ANK2: variants seen among roughly 807,000 people sequenced by gnomAD.
ANK2 encodes the protein ankyrin 2, also known as ankyrin-2.
ANK2 carries 83 observed loss-of-function variants against 360.5 expected under a neutral mutation model. The ratio of observed to expected loss-of-function variants is 0.23; its 90% confidence interval spans 0.19 to 0.28. The LOEUF (loss-of-function observed/expected upper bound fraction) is 0.28, where lower values mean the gene tolerates loss of function less well. ANK2 is among the 10% of genes least tolerant of loss of function. The pLI, the probability that ANK2 is intolerant of heterozygous loss-of-function variation, is 1.00. For synonymous variants in ANK2, 1,740 were observed against 1,759.5 expected (o/e 0.99, Z 0.28); for missense variants, 4,201 against 4,795.7 (o/e 0.88, Z 3.66).
chr4:113,281,613 G>A (rs1382584405), intron 17 of ANK2, among the ~76,000 whole-genome samples: 2 of 152,038 alleles, frequency 1.3e-5, no homozygotes, highest in African/African-American at 4.8e-5. Context: ...TTTCCCTTCA[G>A]CATGTCACTG....
chr4:113,094,947 C>G (rs2046444), intron 1 of ANK2, among the ~76,000 whole-genome samples: 101,180 of 152,118 alleles, frequency 0.67, 33,772 homozygotes, highest in South Asian at 0.73. Flanking sequence ...TGTAGCATGA[C>G]TGGCCTCCAG....
At chr4:112,756,590 TA>T in the ANK2 span, among the ~76,000 whole-genome samples, 1 of 152,190 alleles carries the variant, frequency 6.6e-6, no homozygotes. Flanking sequence ...GTTATGTACA[TA>T]GGGAGTTATC....
intron 2 of ANK2, among the ~76,000 whole-genome samples, chr4:112,984,222 G>T (rs1436406736): frequency 6.6e-6 from 1 of 152,162 alleles, no homozygotes; most frequent in Non-Finnish European, 1.5e-5. Context: ...ATGGGGAGAG[G>T]ATCAGGAGGT....
chr4:113,211,447 G>C (rs1042485538), intron 4 of ANK2, among the ~76,000 whole-genome samples: 5 of 152,130 alleles, frequency 3.3e-5, no homozygotes, highest in Admixed American at 1.3e-4. Flanking sequence ...CCTATTTCTT[G>C]AAGTTTTTTT....
chr4:113,027,035 C>T (rs1413876196), intron 2 of ANK2, among the ~76,000 whole-genome samples: 2 of 152,080 alleles, frequency 1.3e-5, no homozygotes, highest in Non-Finnish European at 2.9e-5. Flanking sequence ...AGGAATCCAT[C>T]TGTTTCAGTG....
chr4:113,176,177 G>C (rs1271691846), intron 2 of ANK2, among the ~76,000 whole-genome samples: 2 of 152,172 alleles, frequency 1.3e-5, no homozygotes, highest in African/African-American at 4.8e-5. Context: ...GGGGAAGAAA[G>C]GGATAGGGAA....
chr4:113,110,407 C>G (rs1362782842), intron 1 of ANK2, among the ~76,000 whole-genome samples: 1 of 152,034 alleles, frequency 6.6e-6, no homozygotes, highest in Non-Finnish European at 1.5e-5. Flanking sequence ...ATGCCTAAAG[C>G]AAGAAACAAG....
At chr4:112,867,595 C>A (rs1196247461) in intron 1 of ANK2, among the ~76,000 whole-genome samples, 1 of 151,846 alleles carries the variant, frequency 6.6e-6, no homozygotes, top group East Asian at 1.9e-4. Flanking sequence ...CATTAATATA[C>A]TCTTTGCTTC....
chr4:113,185,130 A>C (rs2098493944), intron 2 of ANK2, among the ~76,000 whole-genome samples: 2 of 152,118 alleles, frequency 1.3e-5, no homozygotes, highest in African/African-American at 4.8e-5. Flanking sequence ...GTTGGTTCCA[A>C]GTCTTTGCTA....
At chr4:112,712,399 TATATA>T in the ANK2 span, among the ~76,000 whole-genome samples, 320 of 49,476 alleles carry the variant, frequency 6.5e-3, 2 homozygotes, top group East Asian at 0.014. Context: ...TATATATATA[TATATA>T]TATTTTTTTT....
At chr4:113,161,152 T>C (rs998274035) in intron 1 of ANK2, among the ~76,000 whole-genome samples, 2 of 152,228 alleles carry the variant, frequency 1.3e-5, no homozygotes, top group Non-Finnish European at 2.9e-5. Flanking sequence ...GGAATTTCCT[T>C]ACTTTTCAAA....
intron 2 of ANK2, among the ~76,000 whole-genome samples, chr4:113,186,513 A>G (rs945515552): frequency 6.0e-5 from 9 of 150,626 alleles, no homozygotes; most frequent in Admixed American, 5.9e-4. Context: ...GAAGTTTCCC[A>G]GTACTTTCCC....
At position 112,821,157 on chromosome 4, in the gene ANK2, C is replaced by T. The variant is rs1038654935; in HGVS notation, c.-40+2893C>T. 4.6e-5 allele frequency among the ~76,000 whole-genome samples: 7 copies of T among 152,106 alleles called. No homozygotes were observed. The East Asian group carries it at 5.8e-4, about 13-fold the overall frequency. The stretch of plus-strand genomic sequence containing the variant: ...CTTGAACTCCTGACCTCAGGTGATC[C>T]GCCCGCCTCGGTCTCCCAAAGTGCT... On this transcript the variant is annotated intron_variant, in intron 1 of 30. Transcript: ENST00000503271.
At chr4:113,326,808 C>T (rs947357885) in intron 26 of ANK2, among the ~76,000 whole-genome samples, 10 of 152,072 alleles carry the variant, frequency 6.6e-5, no homozygotes, top group Non-Finnish European at 1.2e-4. Context: ...TCAAAACCAG[C>T]CTGAGCAACA....
In ANK2 at chr4:113,330,367, C is replaced by T. The variant is rs745943720; in HGVS notation, c.3022C>T (p.Leu1008=). 1 of 1,614,252 alleles carries T rather than the reference C, an allele frequency of 6.2e-7. No homozygotes were observed. Among genetic ancestry groups the T allele is most frequent in the East Asian group, 2.2e-5 (1 of 44,886 alleles). Residue 1008 remains leucine, a synonymous_variant, in exon 27 of 46, where the codon CTG becomes TTG. Transcript: ENST00000357077. ...CTAPTRVTCR[L]VKRHRLATMP... ...TGCTCCAACGCGAGTCACCTGCCGA[C>T]TGGTCAAGCGCCACAGACTGGCAAC...
At chr4:112,758,297 T>C in the ANK2 span, among the ~76,000 whole-genome samples, 1 of 152,174 alleles carries the variant, frequency 6.6e-6, no homozygotes, top group Non-Finnish European at 1.5e-5. Context: ...TATAGTCAAT[T>C]GTAAAATTTA....
At chr4:112,749,870 C>T in the ANK2 span, among the ~76,000 whole-genome samples, 9,054 of 151,938 alleles carry the variant, frequency 0.06, 380 homozygotes, top group Non-Finnish European at 0.092. Flanking sequence ...CTCAGGCTCC[C>T]GAGTAGCTGA....
rs2095967063 is a variant in ANK2, at chr4:113,358,501, G to T, written c.9883G>T (p.Val3295Leu). ...IEIPTAPMEN[V>L]PFTESKSKIP... ...GATTCCTACTGCACCCATGGAGAAT[G>T]TGCCTTTTACTGAAAGCAAATCCAA... The change falls in exon 38 of 46, where the codon GTG becomes TTG. Residue 3295 changes from valine (V) to leucine (L), a missense_variant. Physicochemically the swap from Val to Leu is conservative, Grantham distance 32 (BLOSUM62 1). Coordinates refer to ENST00000357077, the MANE Select transcript of ANK2 (RefSeq NM_001148.6). 6 of 1,614,096 alleles carry T rather than the reference G, an allele frequency of 3.7e-6. No homozygotes were observed. The highest frequency in any genetic ancestry group is 5.1e-6 in the Non-Finnish European group (6 of 1,179,972).
At chr4:113,252,921 G>A (rs574547205) in intron 10 of ANK2, among the ~76,000 whole-genome samples, 6 of 152,096 alleles carry the variant, frequency 3.9e-5, no homozygotes, top group Admixed American at 3.3e-4. Context: ...TGACAATCTC[G>A]CTCTATCTTC....
Sources: allele counts gnomAD v4.1 joint callset (sites outside exome capture counted in the v4.1 genomes callset), GRCh38; gene constraint gnomAD v4.1.1; transcripts MANE v1.5; gene names NCBI Gene and HGNC (gene_info 2026-07-23, HGNC 2026-07-21).